PPP3CB: variants seen among roughly 807,000 people sequenced by gnomAD.
PPP3CB encodes the protein protein phosphatase 3 catalytic subunit beta, also known as serine/threonine-protein phosphatase 2B catalytic subunit beta isoform.
A neutral mutation model predicts 66.4 loss-of-function variants in PPP3CB; 8 were observed. The observed-to-expected ratio is 0.12, with a 90% CI of 0.07 to 0.22. PPP3CB has a LOEUF of 0.22. Ranked by LOEUF, PPP3CB falls within the 10% of genes least tolerant of loss-of-function variation. The pLI is 1.00. For missense variants in PPP3CB, 319 were observed against 642.5 expected, an observed-to-expected ratio of 0.50 and a Z score of 5.44; for synonymous variants, 208 against 221.2, an observed-to-expected ratio of 0.94 and a Z score of 0.53.
At chr10:73,450,013 G>T (rs1176337118) in intron 10 of PPP3CB, among the ~76,000 whole-genome samples, 2 of 152,138 alleles carry the variant, frequency 1.3e-5, no homozygotes, top group Admixed American at 6.5e-5. Flanking sequence ...GGCCAGGTTG[G>T]TCTCGAACTC....
chr10:73,495,923 G>A lies in PPP3CB; in HGVS notation c.-34C>T. 9.2e-7 allele frequency: 1 copy of A among 1,091,284 alleles called. No homozygotes were observed. Among genetic ancestry groups the A allele is most frequent in the Non-Finnish European group, 1.2e-6 (1 of 862,846 alleles). 67.6% of individuals were successfully genotyped at this position (1,091,284 alleles called of 1,614,324 possible). A position where few individuals can be genotyped will look rare whatever the true frequency, so the allele number is the denominator to read the frequency against. On this transcript the variant is annotated 5_prime_UTR_variant, in exon 1 of 14. Coordinates refer to ENST00000360663, the MANE Select transcript of PPP3CB (RefSeq NM_021132.4). ...CGGGGCTCGGCTAGGCTCTGGGCCG[G>A]GCGGGGTTGGGGGCGGGGGCGGCGG...
chr10:73,455,791 C>T (rs540792679), intron 9 of PPP3CB, among the ~76,000 whole-genome samples: 2 of 152,286 alleles, frequency 1.3e-5, no homozygotes, highest in South Asian at 2.1e-4. Flanking sequence ...AGGATGGTCT[C>T]GATCTCCTGA....
intron 1 of PPP3CB, among the ~76,000 whole-genome samples, chr10:73,492,690 T>C (rs563310765): frequency 5.3e-5 from 8 of 152,318 alleles, no homozygotes; most frequent in Admixed American, 3.3e-4. Flanking sequence ...GGGGAAGAAT[T>C]TGACTTGAGC....
intron 10 of PPP3CB, among the ~76,000 whole-genome samples, chr10:73,453,560 G>A (rs1385466403): frequency 6.6e-6 from 1 of 152,070 alleles, no homozygotes; most frequent in Non-Finnish European, 1.5e-5. Flanking sequence ...ACCACATCTA[G>A]CCAAACATTA....
At chr10:73,447,861 C>A (rs2056282368) in intron 10 of PPP3CB, among the ~76,000 whole-genome samples, 2 of 149,778 alleles carry the variant, frequency 1.3e-5, no homozygotes, top group Admixed American at 6.7e-5. Flanking sequence ...ACCTGGGTAC[C>A]ACAGCACTCT....
chr10:73,448,585 G>T, intron 10 of PPP3CB: 1 of 530,384 alleles, frequency 1.9e-6, no homozygotes, highest in Non-Finnish European at 3.9e-6. Flanking sequence ...ATTACTCAAT[G>T]AATGTGCTAA....
intron 3 of PPP3CB, chr10:73,477,221 T>C (rs756664202): frequency 7.7e-6 from 4 of 518,332 alleles, no homozygotes; most frequent in Non-Finnish European, 1.5e-5. Context: ...GCTTAGAACA[T>C]ATTAAATGTG....
intron 3 of PPP3CB, chr10:73,477,346 A>G: frequency 2.2e-6 from 1 of 451,382 alleles, no homozygotes; most frequent in Non-Finnish European, 4.2e-6. Flanking sequence ...GACTCATTAA[A>G]GCATCATTTG....
chr10:73,438,848 C>T (rs1441993874), intron 13 of PPP3CB, among the ~76,000 whole-genome samples: 1 of 151,998 alleles, frequency 6.6e-6, no homozygotes, highest in African/African-American at 2.4e-5. Flanking sequence ...AAGGTTAATC[C>T]TCAATATACA....
intron 10 of PPP3CB, among the ~76,000 whole-genome samples, chr10:73,452,945 T>C (rs1421841086): frequency 2.0e-5 from 3 of 152,174 alleles, no homozygotes; most frequent in African/African-American, 7.2e-5. Context: ...AGTAAAGAAA[T>C]TTCTAAATAG....
At chr10:73,495,727 G>C (rs1041660067) in intron 1 of PPP3CB, 78 bp downstream of exon 1, 18 of 1,508,460 alleles carry the variant, frequency 1.2e-5, no homozygotes, top group Non-Finnish European at 1.6e-5. Flanking sequence ...GCCCACTCCC[G>C]AGGGGACGGT....
chr10:73,470,836 T>A, intron 7 of PPP3CB, 51 bp downstream of exon 7: 1 of 1,586,756 alleles, frequency 6.3e-7, no homozygotes. Context: ...GGTTACTAAG[T>A]TTGATTTATA....
At chr10:73,472,256 A>G (rs1164785572) in intron 4 of PPP3CB, among the ~76,000 whole-genome samples, 2 of 152,232 alleles carry the variant, frequency 1.3e-5, no homozygotes, top group African/African-American at 2.4e-5. Flanking sequence ...GCACTTTGAC[A>G]GGCCAAAGCA....
intron 10 of PPP3CB, among the ~76,000 whole-genome samples, chr10:73,448,205 T>G (rs1018129475): frequency 1.3e-5 from 2 of 152,160 alleles, no homozygotes; most frequent in East Asian, 3.8e-4. Flanking sequence ...TCTATATCTA[T>G]AAAACCAAAT....
Position 73,471,468 on chromosome 10 carries a change from T to C in PPP3CB, c.669A>G (p.Arg223=). ...TCTCGGAAGTAAAATATATACTTAC[T>C]CTCCTAATATCATCCAGTGTGTGTA... is the stretch of plus-strand genomic sequence containing the variant. ...PEIHTLDDIR[R]LDRFKEPPAF... is the part of the protein sequence containing the mutation. Residue 223 remains arginine (R), a splice_region_variant and synonymous_variant, in exon 5 of 14, where the codon AGA becomes AGG. Transcript: ENST00000360663. The C allele has an allele frequency of 6.3e-7, 1 of 1,594,074 alleles. No homozygotes were observed. Among genetic ancestry groups the C allele is most frequent in the Non-Finnish European group, 8.5e-7 (1 of 1,173,138 alleles).
intron 10 of PPP3CB, among the ~76,000 whole-genome samples, chr10:73,451,732 TCACTC>T (rs1202357785): frequency 6.9e-6 from 1 of 145,366 alleles, no homozygotes; most frequent in Non-Finnish European, 1.5e-5. Context: ...TAGGGAAACC[TCACTC>T]ATCTCTTTTT....
At chr10:73,455,127 C>T (rs2056404985) in intron 9 of PPP3CB, among the ~76,000 whole-genome samples, 1 of 152,124 alleles carries the variant, frequency 6.6e-6, no homozygotes, top group South Asian at 2.1e-4. Flanking sequence ...TCATGATCCA[C>T]CCGCCTTGGC....
chr10:73,495,914 T>C lies in PPP3CB; in HGVS notation c.-25A>G, dbSNP rs2057219269. 6 of 480,492 alleles carry C rather than the reference T, an allele frequency of 1.2e-5. No individual in the cohort carries two copies. Among genetic ancestry groups the C allele is most frequent in the Non-Finnish European group, 1.8e-5 (6 of 342,322 alleles). 29.8% of individuals were successfully genotyped at this position (480,492 alleles called of 1,614,324 possible). Reference sequence around the variant, plus strand: ...TGCTGGGCCCGGGGCTCGGCTAGGCTCTGGGCCGGGCGGGGTTGGGGGCGG... The same window carrying C: ...TGCTGGGCCCGGGGCTCGGCTAGGCCCTGGGCCGGGCGGGGTTGGGGGCGG... On this transcript the variant is annotated 5_prime_UTR_variant, in exon 1 of 14. Coordinates refer to ENST00000360663, the MANE Select transcript of PPP3CB (RefSeq NM_021132.4).
intron 10 of PPP3CB, among the ~76,000 whole-genome samples, chr10:73,448,860 T>C (rs1245690566): frequency 6.6e-6 from 1 of 152,152 alleles, no homozygotes; most frequent in Admixed American, 6.5e-5. Context: ...TACTGTAGAA[T>C]CTGGTGAATA....
Sources: allele counts gnomAD v4.1 joint callset (sites outside exome capture counted in the v4.1 genomes callset), GRCh38; gene constraint gnomAD v4.1.1; transcripts MANE v1.5; gene names NCBI Gene and HGNC (gene_info 2026-07-23, HGNC 2026-07-21).